Variants in CLYBL observed in about 807,000 individuals in gnomAD.
CLYBL encodes the protein citramalyl-CoA lyase, mitochondrial.
In CLYBL, 31 loss-of-function variants were observed where a neutral mutation model predicts 38.9. That is an observed-to-expected ratio of 0.80 (90% CI 0.60 to 1.08). CLYBL has a LOEUF of 1.08. CLYBL is among the 50% of genes least tolerant of loss of function. The pLI, the probability that CLYBL is intolerant of heterozygous loss-of-function variation, is 0.00. For synonymous variants in CLYBL, 171 were observed against 158.6 expected (o/e 1.08, Z -0.59); for missense variants, 434 against 411.6 (o/e 1.05, Z -0.47).
intron 2 of CLYBL, among the ~76,000 whole-genome samples, chr13:99,776,191 T>G (rs2138812291): frequency 7.2e-6 from 1 of 139,244 alleles, no homozygotes; most frequent in South Asian, 2.3e-4. Context: ...AAACAAATAA[T>G]AATAATAATA....
intron 1 of CLYBL, among the ~76,000 whole-genome samples, chr13:99,752,840 C>T (rs2048982545): frequency 6.6e-6 from 1 of 152,090 alleles, no homozygotes; most frequent in Non-Finnish European, 1.5e-5. Context: ...GCCTCCACCC[C>T]CACCAAACAG....
intron 1 of CLYBL, among the ~76,000 whole-genome samples, chr13:99,612,782 T>TG (rs1218769529): frequency 3.9e-5 from 6 of 152,058 alleles, no homozygotes; most frequent in Non-Finnish European, 7.4e-5. Flanking sequence ...AAGGCTGAGG[T>TG]GGGAGGATCA....
intron 1 of CLYBL, among the ~76,000 whole-genome samples, chr13:99,670,028 A>AT (rs1421498999): frequency 5.5e-5 from 3 of 54,428 alleles, no homozygotes; most frequent in Non-Finnish European, 1.3e-4. Context: ...CCCCGTCTCT[A>AT]TTAAAAAAAA....
At chr13:99,776,185 A>C (rs1156652365) in intron 2 of CLYBL, among the ~76,000 whole-genome samples, 2 of 143,186 alleles carry the variant, frequency 1.4e-5, no homozygotes, top group South Asian at 4.4e-4. Flanking sequence ...ACCAAAAAAC[A>C]AATAATAATA....
At chr13:99,846,556 G>A (rs1566351632) in intron 2 of CLYBL, among the ~76,000 whole-genome samples, 1 of 152,182 alleles carries the variant, frequency 6.6e-6, no homozygotes. Flanking sequence ...CTGCCAGGAA[G>A]ACTAATTAAT....
At chr13:99,688,261 C>T (rs891704889) in intron 1 of CLYBL, among the ~76,000 whole-genome samples, 1 of 151,916 alleles carries the variant, frequency 6.6e-6, no homozygotes, top group African/African-American at 2.4e-5. Context: ...GTAACAGACT[C>T]GCTGTGTGTG....
intron 2 of CLYBL, among the ~76,000 whole-genome samples, chr13:99,837,373 C>A (rs2050963449): frequency 6.6e-6 from 1 of 152,124 alleles, no homozygotes. Flanking sequence ...TCGTTTGGGC[C>A]TGGAAAGTTG....
chr13:99,714,612 G>A (rs188352846), intron 1 of CLYBL, among the ~76,000 whole-genome samples: 18 of 151,554 alleles, frequency 1.2e-4, no homozygotes, highest in Admixed American at 3.3e-4. Flanking sequence ...GTGAGACTCC[G>A]TCTCAAAAAT....
chr13:99,718,336 C>T (rs1008859791), intron 1 of CLYBL, among the ~76,000 whole-genome samples: 2 of 150,972 alleles, frequency 1.3e-5, no homozygotes, highest in African/African-American at 4.9e-5. Flanking sequence ...GGTTTGACTC[C>T]TGTTGCCTGT....
chr13:99,644,004 CAAAAA>C (rs71118498), intron 1 of CLYBL, among the ~76,000 whole-genome samples: 2 of 89,126 alleles, frequency 2.2e-5, no homozygotes, highest in Non-Finnish European at 2.1e-5. Context: ...GACTCTGTCT[CAAAAA>C]AAAAAAAAAA....
downstream of CLYBL, chr13:99,893,015 A>C (rs2052522916): frequency 6.6e-6 from 1 of 152,296 alleles, no homozygotes; most frequent in Non-Finnish European, 1.5e-5. Context: ...CTGTGAAGAC[A>C]CCAACTCATT....
At chr13:99,776,062 G>C (rs538786425) in intron 2 of CLYBL, among the ~76,000 whole-genome samples, 2,173 of 151,462 alleles carry the variant, frequency 0.014, 58 homozygotes, top group African/African-American at 0.048. Flanking sequence ...TACTCGGGAG[G>C]CTGAGGCAGG....
chr13:99,758,391 G>T (rs1024537841), intron 1 of CLYBL, among the ~76,000 whole-genome samples: 2 of 152,140 alleles, frequency 1.3e-5, no homozygotes, highest in Non-Finnish European at 1.5e-5. Flanking sequence ...TTTTTTCAAC[G>T]CATCTTAAGC....
chr13:99,781,768 A>G (rs1244379889), intron 2 of CLYBL, among the ~76,000 whole-genome samples: 3 of 152,180 alleles, frequency 2.0e-5, no homozygotes, highest in African/African-American at 7.2e-5. Context: ...GTGATCTACC[A>G]TGGCTGGCCA....
At chr13:99,608,075 TTTTTTTTTTTTC>T (rs1485799056) in intron 1 of CLYBL, among the ~76,000 whole-genome samples, 26 of 122,622 alleles carry the variant, frequency 2.1e-4, no homozygotes, top group African/African-American at 9.1e-4. Flanking sequence ...TTTTTTTTTT[TTTTTTTTTTTTC>T]CGAGATGGAG....
intron 2 of CLYBL, among the ~76,000 whole-genome samples, chr13:99,852,564 TCC>T (rs1201332449): frequency 1.3e-5 from 2 of 152,192 alleles, no homozygotes; most frequent in Non-Finnish European, 2.9e-5. Context: ...CAAAATGATT[TCC>T]CACAAATAAC....
intron 2 of CLYBL, among the ~76,000 whole-genome samples, chr13:99,840,672 C>T (rs1307774940): frequency 7.0e-6 from 1 of 141,962 alleles, no homozygotes; most frequent in Non-Finnish European, 1.5e-5. Context: ...ATCACTTGAG[C>T]CCAGGAGGTC....
At chr13:99,718,374 G>T (rs201712720) in intron 1 of CLYBL, among the ~76,000 whole-genome samples, 1 of 123,028 alleles carries the variant, frequency 8.1e-6, no homozygotes, top group Non-Finnish European at 1.8e-5. Context: ...TTAAAAAAAA[G>T]AAAAAAAAAA....
At position 99,849,180 on chromosome 13, in the gene CLYBL, G is replaced by A. The variant is rs1355542345; in HGVS notation, c.250-9681G>A. 6.6e-6 allele frequency among the ~76,000 whole-genome samples: 1 copy of A among 151,628 alleles called. No homozygotes were observed. Reference sequence around the variant, plus strand: ...AAAAAAAACACTATTGAGAAAGACAGTGTAAGCTTGTGGTACGTAAATACT... The same window carrying A: ...AAAAAAAACACTATTGAGAAAGACAATGTAAGCTTGTGGTACGTAAATACT... On this transcript the variant is annotated intron_variant, in intron 2 of 8. Coordinates refer to ENST00000339105, the MANE Select transcript of CLYBL (RefSeq NM_206808.5). The surrounding 1 kb of genome is among the most constrained non-coding windows in gnomAD (Gnocchi z 4.9).
Sources: gnomAD v4.1 joint callset for allele counts (sites outside exome capture counted in the v4.1 genomes callset) on GRCh38, gnomAD v4.1.1 for gene constraint, Gnocchi (gnomAD v3.1) non-coding constraint, MANE v1.5 for transcripts, NCBI Gene and HGNC (gene_info 2026-07-23, HGNC 2026-07-21) for gene names.